Variants in ABTB3 observed in about 807,000 individuals in gnomAD.
ABTB3 encodes ankyrin repeat- and BTB/POZ domain-containing protein 3.
chr12:107,426,098 C>G, the ABTB3 span, among the ~76,000 whole-genome samples: 1 of 148,662 alleles, frequency 6.7e-6, no homozygotes, highest in African/African-American at 2.4e-5. Flanking sequence ...GCTGGCATCT[C>G]CTTTTCGACT....
the ABTB3 span, among the ~76,000 whole-genome samples, chr12:107,437,029 G>A: frequency 6.6e-6 from 1 of 152,044 alleles, no homozygotes; most frequent in Admixed American, 6.6e-5. Flanking sequence ...AGGAGTAGAA[G>A]AGTCATCCTT....
At chr12:107,600,580 CAT>C in the ABTB3 span, among the ~76,000 whole-genome samples, 1 of 152,194 alleles carries the variant, frequency 6.6e-6, no homozygotes, top group African/African-American at 2.4e-5. Flanking sequence ...TGCATCCTCT[CAT>C]ATTTATCCCC....
the ABTB3 span, among the ~76,000 whole-genome samples, chr12:107,581,931 C>G: frequency 2.0e-5 from 3 of 152,174 alleles, no homozygotes; most frequent in Non-Finnish European, 2.9e-5. Context: ...CGTGCGCGTG[C>G]ACGCACACGA....
the ABTB3 span, among the ~76,000 whole-genome samples, chr12:107,539,860 GA>G: frequency 4.6e-5 from 7 of 152,192 alleles, no homozygotes; most frequent in Non-Finnish European, 1.0e-4. Context: ...TCTTTCCTCT[GA>G]TCCCTGCTTA....
the ABTB3 span, among the ~76,000 whole-genome samples, chr12:107,565,513 C>A: frequency 6.6e-6 from 1 of 152,242 alleles, no homozygotes; most frequent in Non-Finnish European, 1.5e-5. Context: ...GACATCTGTG[C>A]CTTCTCCATG....
chr12:107,539,294 G>C, the ABTB3 span, among the ~76,000 whole-genome samples: 1 of 152,096 alleles, frequency 6.6e-6, no homozygotes, highest in African/African-American at 2.4e-5. Flanking sequence ...CTCTATCTTT[G>C]AGTTTTCTTC....
the ABTB3 span, among the ~76,000 whole-genome samples, chr12:107,367,631 G>A: frequency 6.6e-6 from 1 of 152,038 alleles, no homozygotes; most frequent in Non-Finnish European, 1.5e-5. Context: ...CTCAGCCTCC[G>A]AGTAGCTGGG....
At chr12:107,481,916 TCTCTCTC>T in the ABTB3 span, among the ~76,000 whole-genome samples, 28 of 151,350 alleles carry the variant, frequency 1.9e-4, no homozygotes, top group African/African-American at 6.1e-4. Flanking sequence ...TCTCTCTCTC[TCTCTCTC>T]TCTCTTTCTT....
chr12:107,488,445 A>G, the ABTB3 span, among the ~76,000 whole-genome samples: 118 of 152,204 alleles, frequency 7.8e-4, 1 homozygote, highest in African/African-American at 2.7e-3. Context: ...TATCTACCTC[A>G]TTGGAAAGGT....
the ABTB3 span, among the ~76,000 whole-genome samples, chr12:107,533,852 T>A: frequency 6.6e-6 from 1 of 152,184 alleles, no homozygotes; most frequent in East Asian, 1.9e-4. Flanking sequence ...TGGAATATTC[T>A]CCAGTTTAGA....
chr12:107,400,269 A>G, the ABTB3 span, among the ~76,000 whole-genome samples: 4 of 152,194 alleles, frequency 2.6e-5, no homozygotes, highest in Non-Finnish European at 4.4e-5. Flanking sequence ...GATGATATGT[A>G]TATGATCAAC....
the ABTB3 span, among the ~76,000 whole-genome samples, chr12:107,634,520 C>T: frequency 6.6e-6 from 1 of 152,130 alleles, no homozygotes; most frequent in African/African-American, 2.4e-5. Context: ...CCCCTTTGAG[C>T]CCCTAGTTTC....
chr12:107,354,949 T>G, the ABTB3 span, among the ~76,000 whole-genome samples: 4 of 152,212 alleles, frequency 2.6e-5, no homozygotes, highest in Non-Finnish European at 5.9e-5. Flanking sequence ...TGCCTTCCTC[T>G]CTATAGTATT....
the ABTB3 span, among the ~76,000 whole-genome samples, chr12:107,494,705 C>A: frequency 6.6e-6 from 1 of 152,164 alleles, no homozygotes. Flanking sequence ...CAGATTATTC[C>A]CAACAGGCCT....
the ABTB3 span, among the ~76,000 whole-genome samples, chr12:107,494,887 G>A: frequency 0.015 from 2,324 of 152,258 alleles, 37 homozygotes; most frequent in Non-Finnish European, 0.027. Context: ...ATCAAAGCAC[G>A]GCAAGATGGC....
chr12:107,523,457 A>G, the ABTB3 span, among the ~76,000 whole-genome samples: 1 of 152,236 alleles, frequency 6.6e-6, no homozygotes, highest in African/African-American at 2.4e-5. Context: ...TTTCAGAATA[A>G]TATTTTTAAA....
the ABTB3 span, among the ~76,000 whole-genome samples, chr12:107,470,885 G>A: frequency 0.015 from 2,340 of 152,308 alleles, 27 homozygotes; most frequent in Non-Finnish European, 0.024. Context: ...CCAGCTGGGA[G>A]AAATGAGATC....
the ABTB3 span, among the ~76,000 whole-genome samples, chr12:107,360,181 A>T: frequency 6.6e-6 from 1 of 152,220 alleles, no homozygotes; most frequent in Non-Finnish European, 1.5e-5. Context: ...ACAATATGCA[A>T]TGGGAATGAA....
chr12:107,546,761 A>G, the ABTB3 span, among the ~76,000 whole-genome samples: 1 of 152,168 alleles, frequency 6.6e-6, no homozygotes, highest in South Asian at 2.1e-4. Context: ...GCTACTCAGG[A>G]TGCTGAGGCA....
Sources: allele counts gnomAD v4.1 joint callset (sites outside exome capture counted in the v4.1 genomes callset), GRCh38; gene constraint gnomAD v4.1.1; transcripts MANE v1.5; gene names NCBI Gene and HGNC (gene_info 2026-07-23, HGNC 2026-07-21).